The following PEAK1 variants were observed in gnomAD, a reference collection of about 807,000 sequenced individuals.
PEAK1 encodes pseudopodium enriched atypical kinase 1, also known as inactive tyrosine-protein kinase PEAK1.
PEAK1 carries 54 observed loss-of-function variants against 124.7 expected under a neutral mutation model. The observed-to-expected ratio is 0.43, with a 90% CI of 0.35 to 0.54. The LOEUF is 0.54. Ranked by LOEUF, PEAK1 falls within the 20% of genes least tolerant of loss-of-function variation. The probability of loss-of-function intolerance (pLI) is 0.01; values close to 1 mark genes in which losing one functional copy is unlikely to be tolerated. For synonymous variants in PEAK1, 719 were observed against 760.0 expected (o/e 0.95, Z 0.89); for missense variants, 2,046 against 2,134.5 (o/e 0.96, Z 0.82).
At chr15:77,338,645 ATATAT>A (rs1567278276) in intron 2 of PEAK1, among the ~76,000 whole-genome samples, 9 of 113,478 alleles carry the variant, frequency 7.9e-5, no homozygotes, top group Non-Finnish European at 1.5e-4. Flanking sequence ...AAAAAAAAAA[ATATAT>A]ATATATATAT....
intron 7 of PEAK1, among the ~76,000 whole-genome samples, chr15:77,176,165 A>G (rs1200838678): frequency 6.6e-6 from 1 of 151,510 alleles, no homozygotes; most frequent in Non-Finnish European, 1.5e-5. Flanking sequence ...TGACGAGTTA[A>G]TGGGTGCAGC....
Position 77,114,944 on chromosome 15 carries a change from T to G in PEAK1, c.4453A>C (p.Ser1485Arg). The change falls in exon 10 of 10, where the codon AGC becomes CGC. Residue 1485 changes from serine to arginine, a missense_variant. Ser to Arg is a moderately radical substitution (Grantham distance 110). Transcript: ENST00000682557. ...VRDSLAQHGK[S>R]PDLYERQVCL... ...ACCTGCCTCTCATACAAATCAGGGC[T>G]TTTCCCATGCTGGGCCAGAGAGTCT... 6.2e-7 allele frequency: 1 copy of G among 1,614,004 alleles called. No homozygotes were observed. The highest frequency in any genetic ancestry group is 8.5e-7 in the Non-Finnish European group (1 of 1,179,994).
chr15:77,296,989 A>T (rs1314470864), intron 2 of PEAK1, among the ~76,000 whole-genome samples: 1 of 152,022 alleles, frequency 6.6e-6, no homozygotes, highest in East Asian at 1.9e-4. Context: ...ATTCCCGTTT[A>T]GTCTAAAATG....
At chr15:77,122,981 G>C (rs1458849773) in intron 9 of PEAK1, among the ~76,000 whole-genome samples, 1 of 152,154 alleles carries the variant, frequency 6.6e-6, no homozygotes, top group African/African-American at 2.4e-5. Flanking sequence ...AGACTCTGGA[G>C]TCAAAAATGC....
intron 2 of PEAK1, among the ~76,000 whole-genome samples, chr15:77,354,626 C>CA (rs1354968702): frequency 6.6e-6 from 1 of 152,042 alleles, no homozygotes. Context: ...CCAACCATGC[C>CA]AAAAAACAGG....
At position 77,420,074 on chromosome 15, in the gene PEAK1, G is replaced by C. The variant is rs1221134082; in HGVS notation, c.-734C>G. The stretch of plus-strand genomic sequence containing the variant: ...GTCCCGTCCCCTTCCTGGTGACCAC[G>C]GCCGCCGCCGCCGAGCAACTGACAC... On this transcript the variant is annotated 5_prime_UTR_variant, in exon 1 of 10. Coordinates refer to ENST00000682557, the MANE Select transcript of PEAK1 (RefSeq NM_001385026.1). The C allele has an allele frequency of 6.7e-6, 1 of 150,150 alleles. No homozygotes were observed. The highest frequency in any genetic ancestry group is 1.5e-5 in the Non-Finnish European group (1 of 67,536). The allele number at this position is 150,150 out of a possible 1,614,324, so 9.3% of individuals were successfully genotyped here.
chr15:77,321,129 T>C (rs2065185808), intron 2 of PEAK1, among the ~76,000 whole-genome samples: 1 of 152,208 alleles, frequency 6.6e-6, no homozygotes. Context: ...TATGTGTGCA[T>C]GTGTCTTTAT....
chr15:77,352,100 GT>G, intron 2 of PEAK1: 16 of 836,540 alleles, frequency 1.9e-5, no homozygotes, highest in Non-Finnish European at 2.3e-5. Flanking sequence ...CATGCCTGTG[GT>G]TCCAGCTACT....
intron 8 of PEAK1, among the ~76,000 whole-genome samples, chr15:77,141,429 G>C (rs891854248): frequency 1.3e-5 from 2 of 152,152 alleles, no homozygotes; most frequent in African/African-American, 4.8e-5. Flanking sequence ...ATGGATCAGA[G>C]ACTTTATATT....
chr15:77,384,426 T>C (rs986129406), intron 1 of PEAK1, among the ~76,000 whole-genome samples: 1 of 152,218 alleles, frequency 6.6e-6, no homozygotes, highest in Non-Finnish European at 1.5e-5. Context: ...GTTCCTCCCC[T>C]GAATGGTATT....
chr15:77,116,063 C>T (rs762997290), intron 9 of PEAK1, among the ~76,000 whole-genome samples: 1 of 152,084 alleles, frequency 6.6e-6, no homozygotes, highest in Non-Finnish European at 1.5e-5. Flanking sequence ...TCATAAAGAA[C>T]TTTACTAAGT....
chr15:77,297,990 G>A (rs1300438479), intron 2 of PEAK1, among the ~76,000 whole-genome samples: 1 of 142,758 alleles, frequency 7.0e-6, no homozygotes, highest in Non-Finnish European at 1.5e-5. Flanking sequence ...GCCGGGAAGC[G>A]GAGCTTGCAG....
At chr15:77,245,473 C>A (rs552699158) in intron 6 of PEAK1, among the ~76,000 whole-genome samples, 1 of 152,072 alleles carries the variant, frequency 6.6e-6, no homozygotes, top group Non-Finnish European at 1.5e-5. Flanking sequence ...CCAAGGCAGG[C>A]GGATTGCCTG....
chr15:77,261,208 A>G (rs2061421032), intron 5 of PEAK1, among the ~76,000 whole-genome samples: 1 of 152,232 alleles, frequency 6.6e-6, no homozygotes, highest in African/African-American at 2.4e-5. Flanking sequence ...TCTAAAAATC[A>G]GAGCGCCTCT....
In PEAK1 at chr15:77,315,205, G is replaced by C. The variant is rs150066297; in HGVS notation, c.-602-28701C>G. ...ACTTTGACAAAAATGGTTTTGAATA[G>C]ATCTTTATAACCTGATGCCATAAAT... On this transcript the variant is annotated intron_variant, in intron 2 of 9. Coordinates refer to ENST00000682557, the MANE Select transcript of PEAK1 (RefSeq NM_001385026.1). Among the ~76,000 whole-genome samples, 97 of 152,234 alleles carry C rather than the reference G, an allele frequency of 6.4e-4. 1 individual carries two copies. Among genetic ancestry groups the C allele is most frequent in the African/African-American group, 2.3e-3 (96 of 41,554 alleles).
chr15:77,137,111 A>G (rs752531129), intron 8 of PEAK1, among the ~76,000 whole-genome samples: 41 of 152,246 alleles, frequency 2.7e-4, no homozygotes, highest in Non-Finnish European at 8.8e-5. Flanking sequence ...AGAGGTCAAG[A>G]ACTGGGGTTT....
chr15:77,337,574 T>A, intron 2 of PEAK1: 1 of 985,238 alleles, frequency 1.0e-6, no homozygotes, highest in South Asian at 4.7e-5. Flanking sequence ...ACCAACAGAA[T>A]TTTTAACTTT....
chr15:77,113,970 C>T lies in PEAK1; in HGVS notation c.*186G>A, dbSNP rs964479202. ...CAGCTGAATTTCTGTAAAGTTAAGA[C>T]AGACTCAGCTTCTCATTCAATCTGG... is the stretch of plus-strand genomic sequence containing the variant. On this transcript the variant is annotated 3_prime_UTR_variant, in exon 10 of 10. Transcript: ENST00000682557. The T allele has an allele frequency of 9.6e-6, 6 of 627,222 alleles. No individual in the cohort carries two copies. In the African/African-American group the frequency reaches 1.1e-4, roughly 11 times the overall value. The allele number at this position is 627,222 out of a possible 1,614,324, so 38.9% of individuals were successfully genotyped here. A position where few individuals can be genotyped will look rare whatever the true frequency, so the allele number is the denominator to read the frequency against.
At chr15:77,265,344 G>T (rs143751569) in intron 5 of PEAK1, among the ~76,000 whole-genome samples, 2 of 152,062 alleles carry the variant, frequency 1.3e-5, no homozygotes. Flanking sequence ...GAAAATTTTC[G>T]CAACCTACTC....
Sources: gnomAD v4.1 joint callset for allele counts (sites outside exome capture counted in the v4.1 genomes callset) on GRCh38, gnomAD v4.1.1 for gene constraint, MANE v1.5 for transcripts, NCBI Gene and HGNC (gene_info 2026-07-23, HGNC 2026-07-21) for gene names.